Variants in UST observed in about 807,000 individuals in gnomAD.
The protein encoded by UST is chondroitin sulfate 2-O-sulfotransferase.
UST carries 21 observed loss-of-function variants against 45.6 expected under a neutral mutation model. The ratio of observed to expected loss-of-function variants is 0.46; its 90% CI spans 0.33 to 0.66. UST has a LOEUF of 0.66. Ranked by LOEUF, UST falls within the 30% of genes least tolerant of loss-of-function variation. UST has a pLI of 0.02. For missense variants in UST, 463 were observed against 512.4 expected, an observed-to-expected ratio of 0.90 and a Z score of 0.93; for synonymous variants, 215 against 200.6, an observed-to-expected ratio of 1.07 and a Z score of -0.61.
intron 1 of UST, among the ~76,000 whole-genome samples, chr6:148,813,382 A>G (rs539519289): frequency 1.4e-5 from 2 of 140,456 alleles, no homozygotes; most frequent in East Asian, 4.6e-4. Flanking sequence ...CTATAACAGA[A>G]TAATTTTTTT....
intron 1 of UST, among the ~76,000 whole-genome samples, chr6:148,819,801 G>A (rs1006478498): frequency 6.6e-6 from 1 of 152,054 alleles, no homozygotes; most frequent in Non-Finnish European, 1.5e-5. Flanking sequence ...GAATCTTTTT[G>A]TGTATGAAAA....
chr6:148,795,122 A>G (rs1245084746), intron 1 of UST, among the ~76,000 whole-genome samples: 2 of 152,226 alleles, frequency 1.3e-5, no homozygotes, highest in Non-Finnish European at 2.9e-5. Context: ...AATTTTCTGT[A>G]ATATGATTTG....
intron 1 of UST, among the ~76,000 whole-genome samples, chr6:148,771,370 G>C (rs555190609): frequency 2.6e-4 from 39 of 152,342 alleles, no homozygotes; most frequent in Admixed American, 1.9e-3. Flanking sequence ...TGCATTCTGA[G>C]CGTAGCTTTT....
At chr6:148,859,988 G>A (rs916232876) in intron 1 of UST, among the ~76,000 whole-genome samples, 16 of 152,186 alleles carry the variant, frequency 1.1e-4, no homozygotes, top group South Asian at 8.3e-4. Context: ...CTCTTTTTTG[G>A]TTCCACATGA....
intron 5 of UST, among the ~76,000 whole-genome samples, chr6:148,998,527 T>G: frequency 6.6e-6 from 1 of 152,222 alleles, no homozygotes; most frequent in East Asian, 1.9e-4. Flanking sequence ...ATGATTATTT[T>G]AAGCTTGAGA....
intron 5 of UST, among the ~76,000 whole-genome samples, chr6:149,006,451 A>G (rs1247860219): frequency 2.0e-5 from 3 of 152,316 alleles, no homozygotes; most frequent in African/African-American, 7.2e-5. Flanking sequence ...GCTGTATAGT[A>G]TTCCATGGTA....
chr6:148,865,196 G>A (rs1229061005), intron 1 of UST, among the ~76,000 whole-genome samples: 2 of 152,156 alleles, frequency 1.3e-5, no homozygotes, highest in African/African-American at 4.8e-5. Context: ...TCTGTTAAAG[G>A]GATTTGACTC....
chr6:148,897,766 T>C (rs1779165396), intron 2 of UST, among the ~76,000 whole-genome samples: 1 of 152,136 alleles, frequency 6.6e-6, no homozygotes, highest in African/African-American at 2.4e-5. Flanking sequence ...GTTGGGATTA[T>C]AGGCATGAGC....
intron 7 of UST, among the ~76,000 whole-genome samples, chr6:149,036,303 C>T (rs947989718): frequency 2.0e-5 from 3 of 152,190 alleles, no homozygotes; most frequent in Non-Finnish European, 2.9e-5. Context: ...CTGACACTCC[C>T]GAGCCATGTC....
chr6:149,061,246 T>C (rs1240734953), intron 7 of UST, among the ~76,000 whole-genome samples: 1 of 152,182 alleles, frequency 6.6e-6, no homozygotes, highest in African/African-American at 2.4e-5. Context: ...CCATTATGCA[T>C]GTTTGACAGA....
chr6:148,764,319 T>C (rs757336769), intron 1 of UST, among the ~76,000 whole-genome samples: 3 of 152,226 alleles, frequency 2.0e-5, no homozygotes, highest in Non-Finnish European at 4.4e-5. Flanking sequence ...ATAGAAATGC[T>C]GATTTTTGTA....
At chr6:149,033,291 G>A (rs1776184076) in intron 7 of UST, among the ~76,000 whole-genome samples, 1 of 152,166 alleles carries the variant, frequency 6.6e-6, no homozygotes, top group African/African-American at 2.4e-5. Context: ...ACCCCCTGCC[G>A]GGGCGAAGTA....
At chr6:149,028,280 A>G (rs1443388595) in intron 7 of UST, among the ~76,000 whole-genome samples, 1 of 152,218 alleles carries the variant, frequency 6.6e-6, no homozygotes, top group African/African-American at 2.4e-5. Flanking sequence ...GATAAGATGC[A>G]TAAATAATCT....
intron 1 of UST, among the ~76,000 whole-genome samples, chr6:148,777,819 G>A (rs1035934334): frequency 2.0e-5 from 3 of 152,188 alleles, no homozygotes; most frequent in Non-Finnish European, 2.9e-5. Flanking sequence ...ATCCCAAAGT[G>A]TTGGGATTAC....
intron 7 of UST, among the ~76,000 whole-genome samples, chr6:149,035,601 T>A (rs908969767): frequency 2.2e-4 from 34 of 151,520 alleles, no homozygotes; most frequent in Admixed American, 5.3e-4. Flanking sequence ...AAAAAAAAAA[T>A]ACAAAAATTA....
intron 5 of UST, among the ~76,000 whole-genome samples, chr6:148,997,951 C>G (rs1397161772): frequency 6.6e-6 from 1 of 152,136 alleles, no homozygotes; most frequent in Non-Finnish European, 1.5e-5. Context: ...AAAAAATAAT[C>G]CACAAACATG....
At chr6:149,037,461 G>A (rs140424219) in intron 7 of UST, among the ~76,000 whole-genome samples, 57 of 152,330 alleles carry the variant, frequency 3.7e-4, no homozygotes, top group African/African-American at 1.2e-3. Context: ...AAACACGGAG[G>A]CCCAGGTGTG....
intron 1 of UST, among the ~76,000 whole-genome samples, chr6:148,865,708 GT>G (rs1562281720): frequency 0.075 from 9,907 of 132,642 alleles, 523 homozygotes; most frequent in East Asian, 0.23. Flanking sequence ...GTGTGTGTGT[GT>G]GTGTGAATTC....
chr6:148,936,940 C>G (rs534935337), intron 2 of UST, among the ~76,000 whole-genome samples: 2 of 152,174 alleles, frequency 1.3e-5, no homozygotes, highest in African/African-American at 4.8e-5. Context: ...GGTGATCCAC[C>G]CACCTCAGCC....
Sources: gnomAD v4.1 joint callset for allele counts (sites outside exome capture counted in the v4.1 genomes callset) on GRCh38, gnomAD v4.1.1 for gene constraint, MANE v1.5 for transcripts, NCBI Gene and HGNC (gene_info 2026-07-23, HGNC 2026-07-21) for gene names.